The following MELTF variants were observed in gnomAD, a reference collection of about 807,000 sequenced individuals.
The protein encoded by MELTF is melanotransferrin, also known as antigen p97 (melanoma associated) identified by monoclonal antibodies 133.2 and 96.5.
Under a neutral mutation model 83.7 loss-of-function variants are expected in MELTF, and 67 were observed. The observed-to-expected ratio is 0.80, with a 90% CI of 0.66 to 0.98. The LOEUF (loss-of-function observed/expected upper bound fraction) is 0.98, where lower values mean the gene tolerates loss of function less well. MELTF is among the 50% of genes least tolerant of loss of function. The pLI is 0.00. For synonymous variants in MELTF, 462 were observed against 447.6 expected, an observed-to-expected ratio of 1.03 and a Z score of -0.41; for missense variants, 1,002 against 1,035.6, an observed-to-expected ratio of 0.97 and a Z score of 0.44.
At chr3:197,017,649 G>A (rs558236580) in intron 6 of MELTF, among the ~76,000 whole-genome samples, 103 of 152,204 alleles carry the variant, frequency 6.8e-4, no homozygotes, top group African/African-American at 2.0e-3. Flanking sequence ...AGGCCGAGGT[G>A]GGCGGATCAC....
Position 197,024,218 on chromosome 3 carries a change from GAGGC to G in MELTF, c.487+81_487+84del. On this transcript the variant is annotated intron_variant, in intron 4 of 15. Coordinates refer to ENST00000296350, the MANE Select transcript of MELTF (RefSeq NM_005929.6). This position sits in a 1 kb window ranked among gnomAD's most constrained non-coding sequence, Gnocchi z 5.3. The stretch of plus-strand genomic sequence containing the variant: ...TGAAGAATGGTGGCGAGGCCGGAGG[GAGGC>G]TACCCAGTGAAGGGACGAGCATGGG... 1 of 1,403,934 alleles carries G rather than the reference GAGGC, an allele frequency of 7.1e-7. No individual in the cohort carries two copies. The highest frequency in any genetic ancestry group is 1.4e-5 in the South Asian group (1 of 72,900). The allele number at this position is 1,403,934 out of a possible 1,614,324, so 87.0% of individuals were successfully genotyped here.
Position 197,022,838 on chromosome 3 carries a change from C to G in MELTF, c.644+119G>C, listed in dbSNP as rs118125446. On this transcript the variant is annotated intron_variant, in intron 5 of 15. Transcript: ENST00000296350. The surrounding 1 kb of genome is among the most constrained non-coding windows in gnomAD (Gnocchi z 5.1). ...CTATATAAAGGGTGCTTTGATGAGACGCAGCCAACATGCCACTTCCCCCTC... is the reference window on the plus strand; with the variant it reads ...CTATATAAAGGGTGCTTTGATGAGAGGCAGCCAACATGCCACTTCCCCCTC... 3.1e-6 allele frequency: 3 copies of G among 965,334 alleles called. No homozygotes were observed. The highest frequency in any genetic ancestry group is 4.9e-5 in the East Asian group (2 of 41,180). The allele number at this position is 965,334 out of a possible 1,614,324, so 59.8% of individuals were successfully genotyped here.
Position 197,029,519 on chromosome 3 carries a change from C to G in MELTF, c.49+135G>C. 1.5e-6 allele frequency: 1 copy of G among 649,946 alleles called. No homozygotes were observed. Among genetic ancestry groups the G allele is most frequent in the Non-Finnish European group, 2.2e-6 (1 of 457,186 alleles). The allele number at this position is 649,946 out of a possible 1,614,324, so 40.3% of individuals were successfully genotyped here. On this transcript the variant is annotated intron_variant, in intron 1 of 15. Coordinates refer to ENST00000296350, the MANE Select transcript of MELTF (RefSeq NM_005929.6). The surrounding 1 kb of genome is among the most constrained non-coding windows in gnomAD (Gnocchi z 6.5). ...TTCCCTCCGCCGTCCTCACTCGACC[C>G]CGAGCCCCTGCCTCCCCCGTCTCAC...
rs1553846835 is a variant in MELTF, at chr3:197,010,810, G to A, written c.1234-16C>T. ...CCTGCTCAGCCTGAAGGGAATAGAAGAAGCCACTGGGCCGGGGTGGGCCCA... is the reference window on the plus strand; with the variant it reads ...CCTGCTCAGCCTGAAGGGAATAGAAAAAGCCACTGGGCCGGGGTGGGCCCA... On this transcript the variant is annotated splice_polypyrimidine_tract_variant and intron_variant, in intron 9 of 15. Transcript: ENST00000296350. 16 of 1,611,892 alleles carry A rather than the reference G, an allele frequency of 9.9e-6. No homozygotes were observed. The highest frequency in any genetic ancestry group is 5.5e-5 in the South Asian group (5 of 91,074).
In MELTF at chr3:197,023,117, T is replaced by TG; in HGVS notation, c.488-5dup. 1 of 1,613,394 alleles carries TG rather than the reference T, an allele frequency of 6.2e-7. No homozygotes were observed. The highest frequency in any genetic ancestry group is 8.5e-7 in the Non-Finnish European group (1 of 1,179,952). ...CCCCCAAAATAGTCGCTGACAGCTG[T>TG]GGGAAGGAGGTAGAGAGGTCACTCA... On this transcript the variant is annotated splice_polypyrimidine_tract_variant and splice_region_variant and intron_variant, in intron 4 of 15. Coordinates refer to ENST00000296350, the MANE Select transcript of MELTF (RefSeq NM_005929.6).
intron 6 of MELTF, among the ~76,000 whole-genome samples, chr3:197,018,590 G>A (rs1438961425): frequency 6.6e-6 from 1 of 152,040 alleles, no homozygotes; most frequent in East Asian, 1.9e-4. Context: ...CAGATTACAG[G>A]TGTGCACCAA....
chr3:197,008,528 G>T lies in MELTF; in HGVS notation c.1750+129C>A. The T allele has an allele frequency of 1.9e-6, 2 of 1,034,120 alleles. 1 individual carries two copies. Among genetic ancestry groups the T allele is most frequent in the African/African-American group, 3.2e-5 (2 of 62,166 alleles). The allele number at this position is 1,034,120 out of a possible 1,614,324, so 64.1% of individuals were successfully genotyped here. The stretch of plus-strand genomic sequence containing the variant: ...CTTGGGGCTCCCAGCTTCCCAGGGG[G>T]CACAGCCTTCTAGACTCAGCCTCTC... On this transcript the variant is annotated intron_variant, in intron 13 of 15. Coordinates refer to ENST00000296350, the MANE Select transcript of MELTF (RefSeq NM_005929.6). The surrounding 1 kb of genome is among the most constrained non-coding windows in gnomAD (Gnocchi z 5.4).
intron 2 of MELTF, among the ~76,000 whole-genome samples, chr3:197,027,319 T>C (rs1216098264): frequency 1.3e-5 from 2 of 152,216 alleles, no homozygotes; most frequent in Non-Finnish European, 2.9e-5. Flanking sequence ...GTCAGTGTCA[T>C]TTAGCAGTTC....
chr3:197,029,798 G>A lies in MELTF; in HGVS notation c.-96C>T. On this transcript the variant is annotated 5_prime_UTR_variant, in exon 1 of 16. Transcript: ENST00000296350. The surrounding 1 kb of genome is among the most constrained non-coding windows in gnomAD (Gnocchi z 6.5). ...CTTCCTCCCTGCTCCCCCTCGCGCT[G>A]GCCCGAGCTCCTTAAGTGCGGCCGC... 1.1e-6 allele frequency: 1 copy of A among 884,886 alleles called. No individual in the cohort carries two copies. Among genetic ancestry groups the A allele is most frequent in the Non-Finnish European group, 1.5e-6 (1 of 672,502 alleles). 54.8% of individuals were successfully genotyped at this position (884,886 alleles called of 1,614,324 possible).
intron 6 of MELTF, chr3:197,019,874 G>C: frequency 6.8e-7 from 1 of 1,478,442 alleles, no homozygotes; most frequent in Non-Finnish European, 9.0e-7. Context: ...ATCATCAGAC[G>C]TCCTGGGAGA....
In MELTF at chr3:197,003,711, AC is replaced by A. The variant is rs1396100431; in HGVS notation, c.2137+189del. On this transcript the variant is annotated intron_variant, in intron 15 of 15. Coordinates refer to ENST00000296350, the MANE Select transcript of MELTF (RefSeq NM_005929.6). The surrounding 1 kb of genome is among the most constrained non-coding windows in gnomAD (Gnocchi z 6.2). Reference sequence around the variant, plus strand: ...CTCATTACCCAGGTCCGTCTGGGAGACCCGCCGGGCTCCCGCCCTCCCGGCC... The same window carrying A: ...CTCATTACCCAGGTCCGTCTGGGAGACCGCCGGGCTCCCGCCCTCCCGGCC... 2 of 709,066 alleles carry A rather than the reference AC, an allele frequency of 2.8e-6. No individual in the cohort carries two copies. Among genetic ancestry groups the A allele is most frequent in the Non-Finnish European group, 4.6e-6 (2 of 436,824 alleles). The allele number at this position is 709,066 out of a possible 1,614,324, so 43.9% of individuals were successfully genotyped here.
intron 6 of MELTF, among the ~76,000 whole-genome samples, chr3:197,017,663 G>A (rs1285927371): frequency 6.6e-6 from 1 of 152,050 alleles, no homozygotes; most frequent in Non-Finnish European, 1.5e-5. Flanking sequence ...GGATCACGAG[G>A]TCAGGAGATC....
chr3:197,009,092 C>T lies in MELTF; in HGVS notation c.1526-127G>A. 4 of 1,089,030 alleles carry T rather than the reference C, an allele frequency of 3.7e-6. No individual in the cohort carries two copies. The South Asian group carries it at 5.8e-5, about 16-fold the overall frequency. The allele number at this position is 1,089,030 out of a possible 1,614,324, so 67.5% of individuals were successfully genotyped here. On this transcript the variant is annotated intron_variant, in intron 11 of 15. Transcript: ENST00000296350. ...TACACTGCAAGGCCACCTGTCTGCT[C>T]CGCTCCCCTCAGCTCTGAGTGGAGT...
In MELTF at chr3:197,029,550, C is replaced by G; in HGVS notation, c.49+104G>C. 2.0e-6 allele frequency: 2 copies of G among 990,360 alleles called. No individual in the cohort carries two copies. Among genetic ancestry groups the G allele is most frequent in the Non-Finnish European group, 2.6e-6 (2 of 767,750 alleles). 61.3% of individuals were successfully genotyped at this position (990,360 alleles called of 1,614,324 possible). On this transcript the variant is annotated intron_variant, in intron 1 of 15. Transcript: ENST00000296350. The surrounding 1 kb of genome is among the most constrained non-coding windows in gnomAD (Gnocchi z 6.5). ...CCCTGCCTCCCCCGTCTCACTGCCCCGGAGCCGCAGGCTCAGGCACATTTC... is the reference window on the plus strand; with the variant it reads ...CCCTGCCTCCCCCGTCTCACTGCCCGGGAGCCGCAGGCTCAGGCACATTTC...
At position 197,017,079 on chromosome 3, in the gene MELTF, G is replaced by A. The variant is rs202068123; in HGVS notation, c.900+24C>T. 1.8e-5 allele frequency: 29 copies of A among 1,606,100 alleles called. No homozygotes were observed. The East Asian group carries it at 2.2e-4, about 12-fold the overall frequency. On this transcript the variant is annotated intron_variant, in intron 7 of 15. Coordinates refer to ENST00000296350, the MANE Select transcript of MELTF (RefSeq NM_005929.6). The stretch of plus-strand genomic sequence containing the variant: ...CGGCACCATCTAGGAAGCTGTGCAG[G>A]TGGTTGGGGGACCCTGAGCCCACCT...
intron 6 of MELTF, among the ~76,000 whole-genome samples, chr3:197,017,625 C>G (rs956318102): frequency 2.0e-5 from 3 of 152,224 alleles, no homozygotes; most frequent in Non-Finnish European, 2.9e-5. Flanking sequence ...CGCCTGTAAT[C>G]CCAGCACTTT....
chr3:197,026,419 A>C (rs1037425964), intron 3 of MELTF: 23 of 517,240 alleles, frequency 4.4e-5, no homozygotes, highest in African/African-American at 4.2e-4. Flanking sequence ...CTGAGTGGGC[A>C]CAGGCTAGGG....
intron 2 of MELTF, chr3:197,027,064 C>T (rs1355244016): frequency 2.7e-6 from 1 of 369,204 alleles, no homozygotes; most frequent in African/African-American, 2.0e-5. Context: ...GTCTCCCTCG[C>T]TTTCTGTCCC....
Position 197,029,803 on chromosome 3 carries a change from G to C in MELTF, c.-101C>G. 1.2e-6 allele frequency: 1 copy of C among 862,708 alleles called. No individual in the cohort carries two copies. Among genetic ancestry groups the C allele is most frequent in the East Asian group, 3.4e-5 (1 of 29,622 alleles). The allele number at this position is 862,708 out of a possible 1,614,324, so 53.4% of individuals were successfully genotyped here. A position where few individuals can be genotyped will look rare whatever the true frequency, so the allele number is the denominator to read the frequency against. On this transcript the variant is annotated 5_prime_UTR_variant, in exon 1 of 16. Coordinates refer to ENST00000296350, the MANE Select transcript of MELTF (RefSeq NM_005929.6). This position sits in a 1 kb window ranked among gnomAD's most constrained non-coding sequence, Gnocchi z 6.5. ...TCCCTGCTCCCCCTCGCGCTGGCCC[G>C]AGCTCCTTAAGTGCGGCCGCGAGTT...
Sources: gnomAD v4.1 joint callset for allele counts (sites outside exome capture counted in the v4.1 genomes callset) on GRCh38, gnomAD v4.1.1 for gene constraint, Gnocchi (gnomAD v3.1) non-coding constraint, MANE v1.5 for transcripts, NCBI Gene and HGNC (gene_info 2026-07-23, HGNC 2026-07-21) for gene names.